The following ACOT7 variants were observed in gnomAD, a reference collection of about 807,000 sequenced individuals.
ACOT7 encodes the protein cytosolic acyl coenzyme A thioester hydrolase.
ACOT7 carries 12 observed loss-of-function variants against 40.2 expected under a neutral mutation model. The ratio of observed to expected loss-of-function variants is 0.30; its 90% CI spans 0.19 to 0.48. ACOT7 has a LOEUF of 0.48. ACOT7 is among the 20% of genes least tolerant of loss of function. The probability of loss-of-function intolerance (pLI) is 0.99; values close to 1 mark genes in which losing one functional copy is unlikely to be tolerated. For missense variants in ACOT7, 395 were observed against 530.8 expected, an observed-to-expected ratio of 0.74 and a Z score of 2.51; for synonymous variants, 228 against 219.5, an observed-to-expected ratio of 1.04 and a Z score of -0.34.
chr1:6,360,156 C>T (rs1641855311), intron 1 of ACOT7, among the ~76,000 whole-genome samples: 1 of 152,378 alleles, frequency 6.6e-6, no homozygotes, highest in Admixed American at 6.5e-5. Context: ...AGCTTACAAA[C>T]CCCACACGCA....
At position 6,349,811 on chromosome 1, in the gene ACOT7, G is replaced by A; in HGVS notation, c.199C>T (p.Leu67=). ...VAGNVHGGTI[L]KMIEEAGAII... is the part of the protein sequence containing the mutation. ...GCGCCTGCCTCCTCGATCATCTTCAGGATGGTCCCCCCGTGGACATTGCCG... is the reference window on the plus strand; with the variant it reads ...GCGCCTGCCTCCTCGATCATCTTCAAGATGGTCCCCCCGTGGACATTGCCG... Residue 67 remains leucine, a synonymous_variant, in exon 2 of 9, where the codon CTG becomes TTG. Coordinates refer to ENST00000361521, the MANE Select transcript of ACOT7 (RefSeq NM_007274.4). The A allele has an allele frequency of 6.2e-7, 1 of 1,614,164 alleles. No individual in the cohort carries two copies. The highest frequency in any genetic ancestry group is 8.5e-7 in the Non-Finnish European group (1 of 1,180,032).
At chr1:6,326,447 G>C (rs1353297312) in intron 5 of ACOT7, among the ~76,000 whole-genome samples, 1 of 152,248 alleles carries the variant, frequency 6.6e-6, no homozygotes, top group African/African-American at 2.4e-5. Context: ...CCTGACATGA[G>C]AGCAAGAGGA....
intron 8 of ACOT7, among the ~76,000 whole-genome samples, chr1:6,276,653 C>T (rs1571261840): frequency 1.3e-5 from 2 of 152,128 alleles, no homozygotes; most frequent in South Asian, 4.1e-4. Context: ...GGACGGAACG[C>T]ACATGCAGGT....
In ACOT7 at chr1:6,281,915, C is replaced by A. The variant is rs990573985; in HGVS notation, c.830-629G>T. 2.0e-5 allele frequency among the ~76,000 whole-genome samples: 3 copies of A among 152,292 alleles called. No individual in the cohort carries two copies. In the East Asian group the frequency reaches 5.8e-4, roughly 29 times the overall value. Reference sequence around the variant, plus strand: ...CTTCTGGCCCCACTGGTCTCGCCCACGGGACCAAAGCTTCCTCCTCTGGGC... The same window carrying A: ...CTTCTGGCCCCACTGGTCTCGCCCAAGGGACCAAAGCTTCCTCCTCTGGGC... On this transcript the variant is annotated intron_variant, in intron 7 of 8. Transcript: ENST00000361521.
In ACOT7 at chr1:6,306,282, T is replaced by A; in HGVS notation, c.713-11302A>T. ...CAAGACCTCAACCAAATACTCCATA[T>A]TTCTGGAAAGGGGTCAGTGCCCCAT... On this transcript the variant is annotated intron_variant, in intron 6 of 8. Coordinates refer to ENST00000361521, the MANE Select transcript of ACOT7 (RefSeq NM_007274.4). This position sits in a 1 kb window ranked among gnomAD's most constrained non-coding sequence, Gnocchi z 4.3. The A allele has an allele frequency of 1.0e-6, 1 of 984,920 alleles. No homozygotes were observed. The highest frequency in any genetic ancestry group is 1.2e-6 in the Non-Finnish European group (1 of 829,846). 61.0% of individuals were successfully genotyped at this position (984,920 alleles called of 1,614,324 possible). A position where few individuals can be genotyped will look rare whatever the true frequency, so the allele number is the denominator to read the frequency against.
At chr1:6,341,423 G>A (rs960637781) in intron 2 of ACOT7, among the ~76,000 whole-genome samples, 2 of 149,850 alleles carry the variant, frequency 1.3e-5, no homozygotes, top group African/African-American at 2.4e-5. Context: ...GTGAGCCACC[G>A]TGCCCGGCCC....
intron 8 of ACOT7, among the ~76,000 whole-genome samples, chr1:6,280,208 G>A (rs1419614894): frequency 2.0e-5 from 3 of 152,228 alleles, no homozygotes; most frequent in East Asian, 1.9e-4. Flanking sequence ...CTCGCTCCCC[G>A]GAGGGGCAGG....
Position 6,358,130 on chromosome 1 carries a change from A to C in ACOT7, c.144-8264T>G, listed in dbSNP as rs1641798843. Among the ~76,000 whole-genome samples the C allele has an allele frequency of 6.6e-6, 1 of 151,766 alleles. No individual in the cohort carries two copies. Among genetic ancestry groups the C allele is most frequent in the African/African-American group, 2.4e-5 (1 of 41,284 alleles). On this transcript the variant is annotated intron_variant, in intron 1 of 8. Transcript: ENST00000361521. The surrounding 1 kb of genome is among the most constrained non-coding windows in gnomAD (Gnocchi z 4.1). ...TTGATCCACCTGCCTCGGCCTCCCAAAGTGCTGAGATTACAGGCGTGAGTC... is the reference window on the plus strand; with the variant it reads ...TTGATCCACCTGCCTCGGCCTCCCACAGTGCTGAGATTACAGGCGTGAGTC...
intron 6 of ACOT7, among the ~76,000 whole-genome samples, chr1:6,298,026 A>C (rs908280387): frequency 6.6e-6 from 1 of 152,180 alleles, no homozygotes; most frequent in Admixed American, 6.5e-5. Flanking sequence ...GAGGTAGGAC[A>C]GGTGAGGGGA....
Position 6,318,538 on chromosome 1 carries a change from G to A in ACOT7, c.666C>T (p.His222=). Residue 222 remains histidine (H), a synonymous_variant, in exon 6 of 9, where the codon CAC becomes CAT. Transcript: ENST00000361521. ...TVSYSQSSLI[H]LVGPSDCTLH... ...GGGTGCAGTCTGAAGGCCCCACCAGGTGGATCAAGCTGGACTGGCTGTAGC... is the reference window on the plus strand; with the variant it reads ...GGGTGCAGTCTGAAGGCCCCACCAGATGGATCAAGCTGGACTGGCTGTAGC... 6.2e-7 allele frequency: 1 copy of A among 1,614,186 alleles called. No individual in the cohort carries two copies. Among genetic ancestry groups the A allele is most frequent in the Non-Finnish European group, 8.5e-7 (1 of 1,180,020 alleles).
At chr1:6,372,502 C>G (rs940058685) in intron 1 of ACOT7, among the ~76,000 whole-genome samples, 3 of 151,670 alleles carry the variant, frequency 2.0e-5, no homozygotes, top group African/African-American at 7.3e-5. Context: ...AGCTTTCAGC[C>G]TATCTCAGCT....
chr1:6,348,899 C>T (rs1407294996), intron 2 of ACOT7, among the ~76,000 whole-genome samples: 1 of 152,180 alleles, frequency 6.6e-6, no homozygotes, highest in African/African-American at 2.4e-5. Flanking sequence ...TATGCCCGTG[C>T]CCATGGTGGG....
chr1:6,265,385 GC>G (rs1638800657), intron 8 of ACOT7, among the ~76,000 whole-genome samples: 2 of 152,206 alleles, frequency 1.3e-5, no homozygotes, highest in Admixed American at 1.3e-4. Flanking sequence ...AGAAGGCCCC[GC>G]CCCGTACTGG....
chr1:6,346,260 C>T (rs1293030044), intron 2 of ACOT7, among the ~76,000 whole-genome samples: 1 of 152,180 alleles, frequency 6.6e-6, no homozygotes, highest in Non-Finnish European at 1.5e-5. Flanking sequence ...GGCCACCACA[C>T]CTGGCTAATT....
chr1:6,368,792 C>T (rs1220072064), intron 1 of ACOT7, among the ~76,000 whole-genome samples: 1 of 152,182 alleles, frequency 6.6e-6, no homozygotes, highest in East Asian at 1.9e-4. Flanking sequence ...GAATGCAGGG[C>T]ACAGGGGACC....
At chr1:6,271,000 C>T (rs1158628627) in intron 8 of ACOT7, among the ~76,000 whole-genome samples, 1 of 152,162 alleles carries the variant, frequency 6.6e-6, no homozygotes, top group Non-Finnish European at 1.5e-5. Flanking sequence ...CAGGGAGCAC[C>T]GCCTGGCACT....
In ACOT7 at chr1:6,264,666, A is replaced by T; in HGVS notation, c.1044T>A (p.Phe348Leu). The change falls in exon 9 of 9, where the codon TTT (phenylalanine) becomes TTA (leucine). Residue 348 changes from phenylalanine (F) to leucine (L), a missense_variant. Phe to Leu is a conservative substitution (Grantham distance 22). This residue lies in a region of ACOT7 where 309 missense variants were observed against 470.3 expected (regional missense o/e 0.66). Coordinates refer to ENST00000361521, the MANE Select transcript of ACOT7 (RefSeq NM_007274.4). ...VPETEDEKKR[F>L]EEGKGRYLQM... is the part of the protein sequence containing the mutation. ...GCAGGTACCGCCCTTTGCCTTCCTC[A>T]AAGCGCTTCTTCTCGTCCTCGGTCT... 1.2e-6 allele frequency: 2 copies of T among 1,613,392 alleles called. No individual in the cohort carries two copies. Among genetic ancestry groups the T allele is most frequent in the Non-Finnish European group, 8.5e-7 (1 of 1,179,912 alleles).
At chr1:6,320,690 C>A (rs923833614) in intron 5 of ACOT7, among the ~76,000 whole-genome samples, 1 of 152,130 alleles carries the variant, frequency 6.6e-6, no homozygotes, top group Non-Finnish European at 1.5e-5. Context: ...GGCAGTGTGG[C>A]CCTGCTATGT....
chr1:6,331,886 ACAGAAGAGACGG>A (rs1332540444), intron 4 of ACOT7, among the ~76,000 whole-genome samples: 8 of 152,120 alleles, frequency 5.3e-5, no homozygotes, highest in Non-Finnish European at 1.2e-4. Context: ...GGAGCTGGGG[ACAGAAGAGACGG>A]CAGGAAGCAG....
Sources: allele counts gnomAD v4.1 joint callset (sites outside exome capture counted in the v4.1 genomes callset), GRCh38; gene constraint gnomAD v4.1.1; regional missense constraint gnomAD v4.1.1; non-coding constraint Gnocchi (gnomAD v3.1); transcripts MANE v1.5; gene names NCBI Gene and HGNC (gene_info 2026-07-23, HGNC 2026-07-21).